ACAD10: variants seen among roughly 807,000 people sequenced by gnomAD.
ACAD10 encodes acyl-CoA dehydrogenase family member 10.
Under a neutral mutation model 116.8 loss-of-function variants are expected in ACAD10, and 112 were observed. That is an observed-to-expected ratio of 0.96 (90% confidence interval 0.82 to 1.12). The LOEUF (loss-of-function observed/expected upper bound fraction) is 1.12. ACAD10 is among the 50% of genes most tolerant of loss of function. The pLI is 0.00. For synonymous variants in ACAD10, 486 were observed against 510.6 expected (o/e 0.95, Z 0.65); for missense variants, 1,259 against 1,350.2 (o/e 0.93, Z 1.06).
At chr12:111,718,821 A>C (rs1435483782) in intron 7 of ACAD10, among the ~76,000 whole-genome samples, 1 of 151,810 alleles carries the variant, frequency 6.6e-6, no homozygotes, top group Non-Finnish European at 1.5e-5. Context: ...TATAACTTTT[A>C]AGGCTGGGCG....
intron 11 of ACAD10, 94 bp downstream of exon 11, chr12:111,734,162 G>A: frequency 6.4e-7 from 1 of 1,560,426 alleles, no homozygotes; most frequent in Non-Finnish European, 8.7e-7. Context: ...ATTGGGCGGG[G>A]GAAGTGAAAG....
intron 10 of ACAD10, among the ~76,000 whole-genome samples, chr12:111,730,168 C>T (rs935479636): frequency 6.6e-5 from 10 of 152,162 alleles, no homozygotes; most frequent in Admixed American, 2.0e-4. Context: ...CTGTGCATTG[C>T]AGGATGTCAG....
intron 2 of ACAD10, 140 bp downstream of exon 2, chr12:111,693,036 GCACCA>G: frequency 1.1e-6 from 1 of 882,062 alleles, no homozygotes. Context: ...CGAATTCCAA[GCACCA>G]CTAGGGGGCT....
intron 1 of ACAD10, among the ~76,000 whole-genome samples, chr12:111,690,811 T>C (rs1888017678): frequency 6.6e-6 from 1 of 151,258 alleles, no homozygotes; most frequent in African/African-American, 2.4e-5. Flanking sequence ...AGTTTCTGAT[T>C]TTGGAGCATT....
chr12:111,712,176 G>A (rs984287531), intron 5 of ACAD10, among the ~76,000 whole-genome samples: 1 of 152,210 alleles, frequency 6.6e-6, no homozygotes, highest in Admixed American at 6.6e-5. Flanking sequence ...TTGGTGTACT[G>A]TTGTGGCAAA....
chr12:111,720,269 A>G (rs754082741), intron 7 of ACAD10, among the ~76,000 whole-genome samples: 3 of 152,206 alleles, frequency 2.0e-5, no homozygotes, highest in Non-Finnish European at 4.4e-5. Flanking sequence ...GTATTTTGCA[A>G]TATCTGAGTG....
chr12:111,705,689 T>G, intron 3 of ACAD10, 49 bp from the exon 4 acceptor site: 1 of 1,534,864 alleles, frequency 6.5e-7, no homozygotes, highest in Non-Finnish European at 8.9e-7. Flanking sequence ...CCATGAGTGT[T>G]TGTCACTCTT....
chr12:111,707,071 C>G (rs373748554), intron 4 of ACAD10, among the ~76,000 whole-genome samples: 28 of 151,658 alleles, frequency 1.8e-4, no homozygotes, highest in Admixed American at 1.3e-3. Context: ...AGCCATCGTG[C>G]CTGGCCCCTA....
chr12:111,723,364 G>T (rs1179765675), intron 8 of ACAD10, among the ~76,000 whole-genome samples: 1 of 138,624 alleles, frequency 7.2e-6, no homozygotes, highest in Admixed American at 6.9e-5. Context: ...CTGTCCAGGC[G>T]GGGGGCTGAC....
At chr12:111,728,404 A>G (rs1285864960) in intron 9 of ACAD10, among the ~76,000 whole-genome samples, 2 of 151,632 alleles carry the variant, frequency 1.3e-5, no homozygotes, top group Non-Finnish European at 2.9e-5. Context: ...TTTCCCTTAA[A>G]TATTCTGCTA....
intron 7 of ACAD10, among the ~76,000 whole-genome samples, chr12:111,720,052 T>C (rs1445083274): frequency 1.3e-5 from 2 of 151,996 alleles, no homozygotes; most frequent in East Asian, 1.9e-4. Context: ...TTAATAGAAA[T>C]GGGGTTTCGC....
intron 5 of ACAD10, 161 bp downstream of exon 5, chr12:111,709,845 G>A: frequency 2.5e-6 from 2 of 814,848 alleles, no homozygotes; most frequent in Non-Finnish European, 3.7e-6. Context: ...TATGTGACTA[G>A]CTGCTTGTAT....
chr12:111,706,051 G>T, intron 4 of ACAD10, 119 bp downstream of exon 4: 1 of 1,065,820 alleles, frequency 9.4e-7, no homozygotes, highest in Non-Finnish European at 1.4e-6. Context: ...TCAGCCACTT[G>T]ACTAAGTTAG....
At chr12:111,739,168 G>T (rs1401505629) in intron 12 of ACAD10, among the ~76,000 whole-genome samples, 1 of 152,102 alleles carries the variant, frequency 6.6e-6, no homozygotes, top group Non-Finnish European at 1.5e-5. Context: ...ATGGATGTGG[G>T]CAATAAGCTT....
At chr12:111,706,888 C>T (rs1295357481) in intron 4 of ACAD10, among the ~76,000 whole-genome samples, 3 of 151,220 alleles carry the variant, frequency 2.0e-5, no homozygotes, top group Non-Finnish European at 4.4e-5. Context: ...GTTCTCCTGC[C>T]TCAGCCTCCT....
At chr12:111,702,060 A>T in intron 2 of ACAD10, 102 bp from the exon 3 acceptor site, 1 of 1,253,324 alleles carries the variant, frequency 8.0e-7, no homozygotes, top group Non-Finnish European at 1.1e-6. Flanking sequence ...CCACCCTGGC[A>T]GTACAGCGAG....
rs369568516 is a variant in ACAD10 at position 111,749,269 on chromosome 12, T to C, written c.2741T>C (p.Leu914Pro). The change falls in exon 18 of 21, where the codon CTG becomes CCG. Residue 914 changes from leucine to proline, a missense_variant. Leu to Pro is a moderately conservative substitution (Grantham distance 98, BLOSUM62 -3). Coordinates refer to ENST00000313698, the MANE Select transcript of ACAD10 (RefSeq NM_025247.6). ...GGCTTTGAGATCGCCCAGGGCAGAC[T>C]GGGCCCCGGCAGGATCCATCACTGC... Reference protein sequence around the residue: ...GRGFEIAQGRLGPGRIHHCMR... With the variant: ...GRGFEIAQGRPGPGRIHHCMR... The C allele has an allele frequency of 3.1e-6, 5 of 1,614,034 alleles. No homozygotes were observed. The African/African-American group carries it at 6.7e-5, about 22-fold the overall frequency.
At chr12:111,697,833 C>T (rs1405650468) in intron 2 of ACAD10, among the ~76,000 whole-genome samples, 1 of 151,938 alleles carries the variant, frequency 6.6e-6, no homozygotes, top group Non-Finnish European at 1.5e-5. Context: ...GTCCGCCCGC[C>T]TTGGCCTCCC....
At chr12:111,706,937 C>T (rs138248814) in intron 4 of ACAD10, among the ~76,000 whole-genome samples, 15 of 149,426 alleles carry the variant, frequency 1.0e-4, no homozygotes, top group Admixed American at 2.7e-4. Context: ...CCACCCCTGG[C>T]ACCACCACCC....
Sources: allele counts gnomAD v4.1 joint callset (sites outside exome capture counted in the v4.1 genomes callset), GRCh38; gene constraint gnomAD v4.1.1; transcripts MANE v1.5; gene names NCBI Gene and HGNC (gene_info 2026-07-23, HGNC 2026-07-21).